The following ZNF469 variants were observed in gnomAD, a reference collection of about 807,000 sequenced individuals.
ZNF469 encodes zinc finger protein 469.
ZNF469 carries 1 observed loss-of-function variant against 1.0 expected under a neutral mutation model. The ratio of observed to expected loss-of-function variants is 1.00; its 90% CI spans 0.35 to 4.73. ZNF469 has a LOEUF of 4.73. ZNF469 is among the 30% of genes most tolerant of loss of function. The pLI is 0.16. For missense variants in ZNF469, 6,100 were observed against 5,356.3 expected (o/e 1.14, Z -4.33); for synonymous variants, 2,703 against 2,363.4 (o/e 1.14, Z -4.17).
At chr16:88,371,764 G>A in the ZNF469 span, among the ~76,000 whole-genome samples, 46 of 151,992 alleles carry the variant, frequency 3.0e-4, no homozygotes, top group African/African-American at 1.0e-3. Context: ...CATTTGCTAT[G>A]CTTAATTTGG....
chr16:88,326,676 G>A, the ZNF469 span, among the ~76,000 whole-genome samples: 1 of 152,140 alleles, frequency 6.6e-6, no homozygotes, highest in Non-Finnish European at 1.5e-5. Flanking sequence ...CCTCGGGTTT[G>A]GGGTGTTTGC....
the ZNF469 span, among the ~76,000 whole-genome samples, chr16:88,126,498 C>G: frequency 1.4e-5 from 2 of 148,110 alleles, no homozygotes; most frequent in Non-Finnish European, 3.0e-5. Flanking sequence ...TTAATCATAA[C>G]TGGATGTTGA....
At chr16:88,226,563 C>T in the ZNF469 span, among the ~76,000 whole-genome samples, 1 of 152,134 alleles carries the variant, frequency 6.6e-6, no homozygotes, top group Non-Finnish European at 1.5e-5. Context: ...CTTTGCAGCA[C>T]CCTAGTCTGT....
the ZNF469 span, among the ~76,000 whole-genome samples, chr16:88,122,634 G>C: frequency 6.6e-6 from 1 of 152,224 alleles, no homozygotes; most frequent in African/African-American, 2.4e-5. Flanking sequence ...CATTTACCCT[G>C]TGTGAGCCGG....
the ZNF469 span, among the ~76,000 whole-genome samples, chr16:88,196,584 A>G: frequency 6.6e-6 from 1 of 152,186 alleles, no homozygotes; most frequent in Non-Finnish European, 1.5e-5. Context: ...GTGTCCACCC[A>G]GGAGTGACCA....
the ZNF469 span, among the ~76,000 whole-genome samples, chr16:88,247,167 T>A: frequency 2.0e-5 from 3 of 151,056 alleles, no homozygotes; most frequent in Admixed American, 6.6e-5. Flanking sequence ...GAATCGTGAA[T>A]GACTGAGTGA....
At chr16:88,104,204 A>G in the ZNF469 span, among the ~76,000 whole-genome samples, 1 of 150,490 alleles carries the variant, frequency 6.6e-6, no homozygotes. Flanking sequence ...TGCCTGCACC[A>G]GGACTGTCCG....
rs1438352502 is a variant in ZNF469, at chr16:88,435,330, C to G, written c.7860C>G (p.Thr2620=). The part of the protein sequence containing the change: ...REGRRWRREP[T]VDSPSHSEGK... ...GCCGGAGGTGGCGCCGAGAGCCCAC[C>G]GTGGACTCTCCTAGCCACTCAGAGG... The change falls in exon 3 of 3, where the codon ACC becomes ACG. Residue 2620 remains threonine (T), a synonymous_variant. Transcript: ENST00000565624. 1.9e-6 allele frequency: 3 copies of G among 1,550,328 alleles called. No individual in the cohort carries two copies. Among genetic ancestry groups the G allele is most frequent in the East Asian group, 2.4e-5 (1 of 40,922 alleles).
At chr16:88,144,221 G>A in the ZNF469 span, among the ~76,000 whole-genome samples, 9 of 152,322 alleles carry the variant, frequency 5.9e-5, no homozygotes, top group Middle Eastern at 3.4e-3. Context: ...TGGGGAGGGC[G>A]GGGGGCGTCT....
At position 88,430,342 on chromosome 16, in the gene ZNF469, CTGG is replaced by C; in HGVS notation, c.2873_2875del (p.Leu958_Asp959delinsHis). 1 of 1,514,130 alleles carries C rather than the reference CTGG, an allele frequency of 6.6e-7. No individual in the cohort carries two copies. The highest frequency in any genetic ancestry group is 2.5e-5 in the East Asian group (1 of 40,608). The allele number at this position is 1,514,130 out of a possible 1,614,324, so 93.8% of individuals were successfully genotyped here. A position where few individuals can be genotyped will look rare whatever the true frequency, so the allele number is the denominator to read the frequency against. ...GCAGTTGAAGCTGTTCCGGAAGGAT[CTGG>C]ACTCGGGCGGCGCAGCAGAGGGGTC... On this transcript the variant is annotated inframe_deletion, in exon 3 of 3. Transcript: ENST00000565624.
chr16:88,118,189 C>T, the ZNF469 span, among the ~76,000 whole-genome samples: 67,788 of 152,098 alleles, frequency 0.45, 16,448 homozygotes, highest in Middle Eastern at 0.6. Context: ...GTGATCTGCC[C>T]GTCTCAGCCT....
chr16:88,371,209 G>T, the ZNF469 span, among the ~76,000 whole-genome samples: 1 of 152,272 alleles, frequency 6.6e-6, no homozygotes, highest in South Asian at 2.1e-4. Context: ...AGCCTCCTCA[G>T]TCTGAGAAAC....
At chr16:88,223,758 T>G in the ZNF469 span, among the ~76,000 whole-genome samples, 1 of 152,280 alleles carries the variant, frequency 6.6e-6, no homozygotes, top group African/African-American at 2.4e-5. Flanking sequence ...TCCAGCCCGC[T>G]GTGTCCTTCC....
At chr16:88,265,908 G>T in the ZNF469 span, among the ~76,000 whole-genome samples, 2 of 152,228 alleles carry the variant, frequency 1.3e-5, no homozygotes, top group Non-Finnish European at 2.9e-5. Flanking sequence ...GCTCAGCGGA[G>T]ACCATCTTTC....
In ZNF469 at chr16:88,383,094, A is replaced by G. The variant is rs2092529491; in HGVS notation, c.-352A>G. Among the ~76,000 whole-genome samples, 1 of 150,168 alleles carries G rather than the reference A, an allele frequency of 6.7e-6. No homozygotes were observed. Among genetic ancestry groups the G allele is most frequent in the African/African-American group, 2.4e-5 (1 of 41,160 alleles). ...CTCCTCCCACCCCGCCCCGAGGCGC[A>G]GCGCGCGGCAGAGCGGCTCGGTGCC... On this transcript the variant is annotated 5_prime_UTR_variant, in exon 1 of 3. Coordinates refer to ENST00000565624, the MANE Select transcript of ZNF469 (RefSeq NM_001367624.2).
the ZNF469 span, among the ~76,000 whole-genome samples, chr16:88,353,924 G>T: frequency 6.6e-6 from 1 of 152,178 alleles, no homozygotes; most frequent in Non-Finnish European, 1.5e-5. Flanking sequence ...GCAGCGGGAA[G>T]GTAAAGCCTG....
the ZNF469 span, among the ~76,000 whole-genome samples, chr16:88,140,896 G>T: frequency 2.0e-5 from 3 of 152,172 alleles, no homozygotes; most frequent in Non-Finnish European, 4.4e-5. Context: ...TCATGCCATT[G>T]CACTGCAGCC....
chr16:88,112,870 C>T, the ZNF469 span, among the ~76,000 whole-genome samples: 361 of 147,830 alleles, frequency 2.4e-3, 1 homozygote, highest in Admixed American at 7.7e-3. Context: ...CTCTGCCTCC[C>T]GGGTTTGCGC....
the ZNF469 span, among the ~76,000 whole-genome samples, chr16:88,224,347 C>T: frequency 3.3e-5 from 5 of 152,222 alleles, no homozygotes; most frequent in Non-Finnish European, 7.3e-5. Flanking sequence ...CGCGGGGCCC[C>T]GCAGGTGGTG....
Sources: allele counts gnomAD v4.1 joint callset (sites outside exome capture counted in the v4.1 genomes callset), GRCh38; gene constraint gnomAD v4.1.1; transcripts MANE v1.5; gene names NCBI Gene and HGNC (gene_info 2026-07-23, HGNC 2026-07-21).